The following RAD51B variants were observed in gnomAD, a reference collection of about 807,000 sequenced individuals.
RAD51B encodes RAD51 paralog B, also known as DNA repair protein RAD51 homolog 2.
Under a neutral mutation model 42.2 loss-of-function variants are expected in RAD51B, and 38 were observed. The ratio of observed to expected loss-of-function variants is 0.90; its 90% confidence interval spans 0.70 to 1.18. RAD51B has a LOEUF of 1.18. Among genes scored for constraint, RAD51B ranks in the 50% most tolerant of loss-of-function variants. RAD51B has a pLI of 0.00. For synonymous variants in RAD51B, 154 were observed against 145.2 expected, an observed-to-expected ratio of 1.06 and a Z score of -0.43; for missense variants, 373 against 400.7, an observed-to-expected ratio of 0.93 and a Z score of 0.59.
chr14:67,897,646 G>C lies in RAD51B; in HGVS notation c.756+10442G>C. ...AGGATGTGAAGAAAAGAGAACCCTT[G>C]TTCACTTTTTTTTTTTTTTTGAGAT... On this transcript the variant is annotated intron_variant, in intron 7 of 10. Coordinates refer to ENST00000471583, the MANE Select transcript of RAD51B (RefSeq NM_133510.4). Among the ~76,000 whole-genome samples the C allele has an allele frequency of 1.3e-5, 2 of 148,712 alleles. 1 individual carries two copies. Among genetic ancestry groups the C allele is most frequent in the Admixed American group, 1.3e-4 (2 of 15,018 alleles).
intron 11 of RAD51B, among the ~76,000 whole-genome samples, chr14:68,658,139 A>T (rs1051706842): frequency 2.0e-5 from 3 of 152,210 alleles, no homozygotes; most frequent in African/African-American, 7.2e-5. Context: ...CATGAAAAAG[A>T]GGGAGCTCTG....
At position 68,231,470 on chromosome 14, in the gene RAD51B, C is replaced by T. The variant is rs115923104; in HGVS notation, c.757-60414C>T. On this transcript the variant is annotated intron_variant, in intron 7 of 10. Coordinates refer to ENST00000471583, the MANE Select transcript of RAD51B (RefSeq NM_133510.4). The stretch of plus-strand genomic sequence containing the variant: ...TTTCCCCTAAACCATCATTCTAGTC[C>T]TCCCCACACCCAAGCTTCTTATCTC... 3.2e-3 allele frequency among the ~76,000 whole-genome samples: 485 copies of T among 152,166 alleles called. 2 individuals are homozygous for T. Among genetic ancestry groups the T allele is most frequent in the African/African-American group, 0.011 (463 of 41,524 alleles).
At chr14:68,530,395 C>T (rs1264245926) in intron 10 of RAD51B, among the ~76,000 whole-genome samples, 1 of 128,394 alleles carries the variant, frequency 7.8e-6, no homozygotes, top group African/African-American at 2.9e-5. Flanking sequence ...TACAGTGAGC[C>T]ATGATTGTGC....
intron 10 of RAD51B, among the ~76,000 whole-genome samples, chr14:68,620,057 C>A (rs976268016): frequency 9.9e-5 from 15 of 152,178 alleles, no homozygotes; most frequent in African/African-American, 3.4e-4. Flanking sequence ...TCTCCCTTTC[C>A]TTCCAGGAGT....
intron 7 of RAD51B, among the ~76,000 whole-genome samples, chr14:67,947,630 C>T (rs899610732): frequency 1.3e-5 from 2 of 152,032 alleles, no homozygotes; most frequent in Non-Finnish European, 2.9e-5. Context: ...GGTTAAAATA[C>T]AGATCTTTCT....
At chr14:67,937,159 G>T (rs578105461) in intron 7 of RAD51B, among the ~76,000 whole-genome samples, 54 of 152,222 alleles carry the variant, frequency 3.5e-4, no homozygotes, top group Middle Eastern at 3.4e-3. Flanking sequence ...GATAACAGTT[G>T]TCTTTTATTG....
chr14:68,474,818 A>G (rs1259081943), intron 10 of RAD51B, among the ~76,000 whole-genome samples: 1 of 152,254 alleles, frequency 6.6e-6, no homozygotes, highest in Non-Finnish European at 1.5e-5. Context: ...CCCTGAGTGC[A>G]GTTAGATTAT....
intron 11 of RAD51B, among the ~76,000 whole-genome samples, chr14:68,670,800 C>A (rs1484023745): frequency 6.6e-6 from 1 of 152,230 alleles, no homozygotes; most frequent in African/African-American, 2.4e-5. Flanking sequence ...GATAGAGACA[C>A]AAATATCTCA....
intron 8 of RAD51B, among the ~76,000 whole-genome samples, chr14:68,299,974 C>G (rs1329953597): frequency 6.6e-6 from 1 of 152,164 alleles, no homozygotes; most frequent in Admixed American, 6.5e-5. Flanking sequence ...GCCTTTTCAT[C>G]CATTCAGCCA....
At chr14:68,208,152 A>C (rs2079632742) in intron 7 of RAD51B, among the ~76,000 whole-genome samples, 1 of 152,106 alleles carries the variant, frequency 6.6e-6, no homozygotes, top group Admixed American at 6.5e-5. Flanking sequence ...CTCATCCCCC[A>C]AGAGGTTTCT....
chr14:68,285,673 C>T (rs1441336771), intron 7 of RAD51B, among the ~76,000 whole-genome samples: 1 of 152,158 alleles, frequency 6.6e-6, no homozygotes. Context: ...AGGTTTCTGC[C>T]AGGGAGTGGG....
In RAD51B at chr14:68,619,199, G is replaced by A. The variant is rs142886944; in HGVS notation, c.1037-31582G>A. Among the ~76,000 whole-genome samples the A allele has an allele frequency of 8.3e-3, 1,268 of 152,252 alleles. 17 individuals are homozygous for A. Among genetic ancestry groups the A allele is most frequent in the African/African-American group, 0.029 (1,207 of 41,542 alleles). On this transcript the variant is annotated intron_variant, in intron 10 of 11. Transcript: ENST00000488612. ...GTAAATTAAAAAGTTAAAAGGCTGG[G>A]CGTGGTGGCTCACGCCTGTAATCCC...
At chr14:68,461,009 A>G (rs1252770896) in intron 9 of RAD51B, among the ~76,000 whole-genome samples, 6 of 152,268 alleles carry the variant, frequency 3.9e-5, no homozygotes, top group African/African-American at 1.4e-4. Flanking sequence ...GCACCACACT[A>G]GAGGTTTGTG....
intron 10 of RAD51B, among the ~76,000 whole-genome samples, chr14:68,588,323 A>G (rs1890584960): frequency 6.6e-6 from 1 of 152,246 alleles, no homozygotes. Context: ...ATGATTGCTC[A>G]GGGAACATCA....
chr14:68,336,723 T>G (rs1425203376), intron 8 of RAD51B, among the ~76,000 whole-genome samples: 1 of 152,190 alleles, frequency 6.6e-6, no homozygotes, highest in Admixed American at 6.5e-5. Flanking sequence ...AAATCAGATT[T>G]TCTTTCTTTG....
At chr14:68,425,757 G>C (rs994671219) in intron 9 of RAD51B, among the ~76,000 whole-genome samples, 2 of 152,204 alleles carry the variant, frequency 1.3e-5, no homozygotes, top group Non-Finnish European at 2.9e-5. Flanking sequence ...GGTATTGGGT[G>C]ATGGGTAAAG....
At chr14:68,244,031 T>C (rs2080443758) in intron 7 of RAD51B, among the ~76,000 whole-genome samples, 1 of 152,196 alleles carries the variant, frequency 6.6e-6, no homozygotes, top group South Asian at 2.1e-4. Flanking sequence ...ATTCAGTGAT[T>C]CTATCAACCA....
chr14:68,440,362 C>T (rs1245195561), intron 9 of RAD51B, among the ~76,000 whole-genome samples: 3 of 152,222 alleles, frequency 2.0e-5, no homozygotes, highest in Non-Finnish European at 4.4e-5. Context: ...TTATTGCTAT[C>T]TGAATGCATT....
intron 7 of RAD51B, among the ~76,000 whole-genome samples, chr14:68,005,814 T>C (rs1436021363): frequency 1.3e-5 from 2 of 152,168 alleles, no homozygotes; most frequent in African/African-American, 4.8e-5. Flanking sequence ...TTTAACTGGC[T>C]TATGGTTCCA....
Sources: allele counts gnomAD v4.1 joint callset (sites outside exome capture counted in the v4.1 genomes callset), GRCh38; gene constraint gnomAD v4.1.1; transcripts MANE v1.5; gene names NCBI Gene and HGNC (gene_info 2026-07-23, HGNC 2026-07-21).